Variants in TBC1D16 observed in about 807,000 individuals in gnomAD.
TBC1D16 encodes the protein CTD-2529O21.1.
In TBC1D16, 58 loss-of-function variants were observed where a neutral mutation model predicts 74.7. That is an observed-to-expected ratio of 0.78 (90% CI 0.63 to 0.97). TBC1D16 has a LOEUF of 0.97. Ranked by LOEUF, TBC1D16 falls within the 50% of genes least tolerant of loss-of-function variation. The pLI is 0.00. For synonymous variants in TBC1D16, 493 were observed against 474.7 expected (o/e 1.04, Z -0.50); for missense variants, 1,014 against 1,079.5 (o/e 0.94, Z 0.85).
In TBC1D16 at chr17:80,007,730, T is replaced by A. The variant is rs770370314; in HGVS notation, c.779+2430A>T. Among the ~76,000 whole-genome samples the A allele has an allele frequency of 6.6e-6, 1 of 151,836 alleles. No homozygotes were observed. The highest frequency in any genetic ancestry group is 1.5e-5 in the Non-Finnish European group (1 of 67,964). On this transcript the variant is annotated intron_variant, in intron 3 of 11. Coordinates refer to ENST00000310924, the MANE Select transcript of TBC1D16 (RefSeq NM_019020.4). This position sits in a 1 kb window ranked among gnomAD's most constrained non-coding sequence, Gnocchi z 4.5. ...AAGGAGGAAGCCTAGGTAGAGGGGA[T>A]CCCTAGCCAAAGGCATGAGGCAGAG...
intron 3 of TBC1D16, among the ~76,000 whole-genome samples, chr17:79,967,232 G>T (rs1422996997): frequency 6.6e-6 from 1 of 151,522 alleles, no homozygotes; most frequent in African/African-American, 2.4e-5. Context: ...GCAAGATAAA[G>T]AAATAAAATG....
intron 1 of TBC1D16, among the ~76,000 whole-genome samples, chr17:80,034,710 T>G (rs1403762185): frequency 6.6e-6 from 1 of 152,216 alleles, no homozygotes; most frequent in Admixed American, 6.5e-5. Context: ...ATTCACCAAT[T>G]TTACTGTTAG....
chr17:79,947,122 G>A (rs1198141052), intron 9 of TBC1D16, among the ~76,000 whole-genome samples: 3 of 152,178 alleles, frequency 2.0e-5, no homozygotes, highest in Non-Finnish European at 2.9e-5. Flanking sequence ...GTCTACATAG[G>A]GCTGGTCCTT....
intron 10 of TBC1D16, chr17:79,943,921 C>G: frequency 7.0e-7 from 1 of 1,437,778 alleles, no homozygotes; most frequent in South Asian, 1.4e-5. Flanking sequence ...TGAAGCCTCT[C>G]AGACCGTCCA....
At chr17:80,021,333 G>A (rs1227814915) in intron 1 of TBC1D16, among the ~76,000 whole-genome samples, 4 of 149,452 alleles carry the variant, frequency 2.7e-5, no homozygotes, top group Non-Finnish European at 1.5e-5. Flanking sequence ...GGGTGGTGGT[G>A]TGTGCCTGTA....
In TBC1D16 at chr17:79,934,031, C is replaced by G. The variant is rs1024342927; in HGVS notation, c.*6828G>C. 1.3e-5 allele frequency: 2 copies of G among 152,244 alleles called. No homozygotes were observed. The highest frequency in any genetic ancestry group is 2.9e-5 in the Non-Finnish European group (2 of 68,062). The allele number at this position is 152,244 out of a possible 1,614,324, so 9.4% of individuals were successfully genotyped here. The stretch of plus-strand genomic sequence containing the variant: ...GCTGCCCAGCTGTGTGGCAAGGGCA[C>G]TCCCTAGGCACTGAGCAGCCACCGC... On this transcript the variant is annotated 3_prime_UTR_variant, in exon 12 of 12. Coordinates refer to ENST00000310924, the MANE Select transcript of TBC1D16 (RefSeq NM_019020.4).
At chr17:79,973,484 C>T (rs1032505987) in intron 3 of TBC1D16, among the ~76,000 whole-genome samples, 3 of 152,068 alleles carry the variant, frequency 2.0e-5, no homozygotes, top group Admixed American at 6.6e-5. Flanking sequence ...CCAAGGCGGG[C>T]GGATCACAAG....
At position 80,010,403 on chromosome 17, in the gene TBC1D16, G is replaced by A. The variant is rs1027421840; in HGVS notation, c.536C>T (p.Pro179Leu). The change falls in exon 3 of 12, where the codon CCT (proline) becomes CTT (leucine). Residue 179 changes from proline (P) to leucine (L), a missense_variant. By Grantham distance (98) the Pro-to-Leu change is moderately conservative. Coordinates refer to ENST00000310924, the MANE Select transcript of TBC1D16 (RefSeq NM_019020.4). This position sits in a 1 kb window ranked among gnomAD's most constrained non-coding sequence, Gnocchi z 8.8. ...GVDGAQPASQ[P>L]ACSPSGILST... is the part of the protein sequence containing the mutation. The stretch of plus-strand genomic sequence containing the variant: ...CAAGATCCCGGAGGGGCTGCAAGCA[G>A]GCTGCGAGGCTGGCTGGGCACCATC... 6.2e-7 allele frequency: 1 copy of A among 1,611,620 alleles called. No homozygotes were observed. The highest frequency in any genetic ancestry group is 8.5e-7 in the Non-Finnish European group (1 of 1,179,208).
At position 80,010,452 on chromosome 17, in the gene TBC1D16, TCTC is replaced by T. The variant is rs777540203; in HGVS notation, c.484_486del (p.Glu162del). On this transcript the variant is annotated inframe_deletion, in exon 3 of 12. Coordinates refer to ENST00000310924, the MANE Select transcript of TBC1D16 (RefSeq NM_019020.4). This position sits in a 1 kb window ranked among gnomAD's most constrained non-coding sequence, Gnocchi z 8.8. ...TCCACCCCCAAGCCCTGCGCCAGCT[TCTC>T]CTCATCCTCTGGCGCAGGGCTGGCG... 4.3e-6 allele frequency: 7 copies of T among 1,609,450 alleles called. No individual in the cohort carries two copies. Among genetic ancestry groups the T allele is most frequent in the African/African-American group, 4.0e-5 (3 of 74,858 alleles).
chr17:79,971,116 G>A lies in TBC1D16; in HGVS notation c.780-18298C>T, dbSNP rs891299169. 4.6e-5 allele frequency among the ~76,000 whole-genome samples: 7 copies of A among 151,786 alleles called. No homozygotes were observed. The highest frequency in any genetic ancestry group is 9.7e-5 in the African/African-American group (4 of 41,266). ...CGGCTCACTGCAACCTCCACCTCTC[G>A]GGTTCAAGGCATTCTCCTGCCTCAG... On this transcript the variant is annotated intron_variant, in intron 3 of 11. Transcript: ENST00000310924. This position sits in a 1 kb window ranked among gnomAD's most constrained non-coding sequence, Gnocchi z 4.6.
chr17:80,023,160 G>C (rs1281594316), intron 1 of TBC1D16, among the ~76,000 whole-genome samples: 1 of 149,936 alleles, frequency 6.7e-6, no homozygotes, highest in African/African-American at 2.5e-5. Context: ...AATGGGACAG[G>C]CGGGGTCATT....
chr17:79,965,689 A>G (rs903207693), intron 3 of TBC1D16, among the ~76,000 whole-genome samples: 2 of 152,214 alleles, frequency 1.3e-5, no homozygotes, highest in Non-Finnish European at 2.9e-5. Context: ...GGAAGCTCAC[A>G]TTCCTGACTC....
chr17:80,018,891 G>A (rs117861043), intron 1 of TBC1D16, among the ~76,000 whole-genome samples: 16,686 of 150,074 alleles, frequency 0.11, 1,390 homozygotes, highest in East Asian at 0.17. Flanking sequence ...GGGAGCCACC[G>A]CACCTGGCCT....
In TBC1D16 at chr17:79,945,109, G is replaced by A. The variant is rs145949792; in HGVS notation, c.1729-22C>T. 122 of 1,559,380 alleles carry A rather than the reference G, an allele frequency of 7.8e-5. 1 individual carries two copies. The African/African-American group carries it at 9.7e-4, about 12-fold the overall frequency. ...ACAGCTGGGGGTGAGGCCGTCACGC[G>A]TTAGTTAGCTCCGGTCCCATGCGGC... On this transcript the variant is annotated intron_variant, in intron 9 of 11. Transcript: ENST00000310924.
rs1170605524 is a variant in TBC1D16, at chr17:79,971,219, C to T, written c.780-18401G>A. ...TGTATTTTTAGTAGAGATGGGGTTTCACCATGTTGGCCAGGCTGGTCTCAA... is the reference window on the plus strand; with the variant it reads ...TGTATTTTTAGTAGAGATGGGGTTTTACCATGTTGGCCAGGCTGGTCTCAA... On this transcript the variant is annotated intron_variant, in intron 3 of 11. Coordinates refer to ENST00000310924, the MANE Select transcript of TBC1D16 (RefSeq NM_019020.4). This position sits in a 1 kb window ranked among gnomAD's most constrained non-coding sequence, Gnocchi z 4.6. 6.6e-6 allele frequency among the ~76,000 whole-genome samples: 1 copy of T among 152,106 alleles called. No individual in the cohort carries two copies. The highest frequency in any genetic ancestry group is 1.5e-5 in the Non-Finnish European group (1 of 68,018).
chr17:79,989,581 G>A (rs546409606), intron 3 of TBC1D16, among the ~76,000 whole-genome samples: 1 of 152,380 alleles, frequency 6.6e-6, no homozygotes, highest in African/African-American at 2.4e-5. Flanking sequence ...TGGCCTTGTG[G>A]AGTTCGGAAT....
At position 79,988,857 on chromosome 17, in the gene TBC1D16, C is replaced by G. The variant is rs746331327; in HGVS notation, c.779+21303G>C. 1.3e-5 allele frequency among the ~76,000 whole-genome samples: 2 copies of G among 152,202 alleles called. No homozygotes were observed. The highest frequency in any genetic ancestry group is 2.4e-5 in the African/African-American group (1 of 41,452). ...CCCGTGGAAGTCCTCAGCCTGGTCC[C>G]GTCTTCTGGGCTCTGCTGGGCTGGA... On this transcript the variant is annotated intron_variant, in intron 3 of 11. Transcript: ENST00000310924. This position sits in a 1 kb window ranked among gnomAD's most constrained non-coding sequence, Gnocchi z 5.7.
intron 3 of TBC1D16, among the ~76,000 whole-genome samples, chr17:79,969,013 TTAAA>T (rs1264117712): frequency 6.6e-6 from 1 of 151,950 alleles, no homozygotes; most frequent in Non-Finnish European, 1.5e-5. Context: ...GGCAAATAAT[TTAAA>T]TAGACATATC....
In TBC1D16 at chr17:79,971,160, T is replaced by C. The variant is rs2034085313; in HGVS notation, c.780-18342A>G. ...GCCTCAGCCTCCTGAGTAGCTGGGA[T>C]TACAGGCGTGCACCACCAAGCCCGG... On this transcript the variant is annotated intron_variant, in intron 3 of 11. Coordinates refer to ENST00000310924, the MANE Select transcript of TBC1D16 (RefSeq NM_019020.4). This position sits in a 1 kb window ranked among gnomAD's most constrained non-coding sequence, Gnocchi z 4.6. 6.6e-6 allele frequency among the ~76,000 whole-genome samples: 1 copy of C among 152,044 alleles called. No individual in the cohort carries two copies. Among genetic ancestry groups the C allele is most frequent in the African/African-American group, 2.4e-5 (1 of 41,390 alleles).
Sources: gnomAD v4.1 joint callset for allele counts (sites outside exome capture counted in the v4.1 genomes callset) on GRCh38, gnomAD v4.1.1 for gene constraint, Gnocchi (gnomAD v3.1) non-coding constraint, MANE v1.5 for transcripts, NCBI Gene and HGNC (gene_info 2026-07-23, HGNC 2026-07-21) for gene names.